Variants in DLGAP5 observed in about 807,000 individuals in gnomAD.
DLGAP5 encodes the protein DLG associated protein 5.
Under a neutral mutation model 99.6 loss-of-function variants are expected in DLGAP5, and 90 were observed. The observed-to-expected ratio is 0.90, with a 90% CI of 0.76 to 1.08. The LOEUF is 1.08. Ranked by LOEUF, DLGAP5 falls within the 50% of genes least tolerant of loss-of-function variation. The pLI is 0.00. For missense variants in DLGAP5, 1,036 were observed against 983.5 expected (o/e 1.05, Z -0.71); for synonymous variants, 311 against 321.3 (o/e 0.97, Z 0.34).
intron 10 of DLGAP5, among the ~76,000 whole-genome samples, chr14:55,172,571 C>A (rs1341122394): frequency 1.3e-5 from 2 of 151,794 alleles, no homozygotes; most frequent in African/African-American, 4.8e-5. Flanking sequence ...CTGCAGTGAG[C>A]CAAGAGCGAG....
At chr14:55,158,485 G>A (rs1177073542) in intron 14 of DLGAP5, 37 bp downstream of exon 14, 14 of 1,579,480 alleles carry the variant, frequency 8.9e-6, no homozygotes, top group Non-Finnish European at 1.1e-5. Context: ...GTAGTCTCAG[G>A]AAAAACAAAA....
chr14:55,188,242 T>C (rs1883491476), intron 2 of DLGAP5, among the ~76,000 whole-genome samples: 1 of 152,194 alleles, frequency 6.6e-6, no homozygotes, highest in Admixed American at 6.5e-5. Flanking sequence ...ACACAAGTCA[T>C]TTCTCAGTTT....
At position 55,152,670 on chromosome 14, in the gene DLGAP5, T is replaced by C. The variant is rs777464982; in HGVS notation, c.2064-23A>G. 6 of 1,576,192 alleles carry C rather than the reference T, an allele frequency of 3.8e-6. No individual in the cohort carries two copies. The East Asian group carries it at 1.1e-4, about 29-fold the overall frequency. On this transcript the variant is annotated intron_variant, in intron 15 of 18. Coordinates refer to ENST00000247191, the MANE Select transcript of DLGAP5 (RefSeq NM_014750.5). ...CTCCTAAAGAAGAAAAAAAGCAGCATTACACTCATAAACATATTGTTATTG... is the reference window on the plus strand; with the variant it reads ...CTCCTAAAGAAGAAAAAAAGCAGCACTACACTCATAAACATATTGTTATTG...
At chr14:55,170,578 A>T in intron 11 of DLGAP5, 124 bp downstream of exon 11, 1 of 809,688 alleles carries the variant, frequency 1.2e-6, no homozygotes, top group South Asian at 1.9e-5. Context: ...AAAAAGAAAA[A>T]ATTCTTGCTA....
At chr14:55,157,217 A>G (rs143279430) in intron 14 of DLGAP5, among the ~76,000 whole-genome samples, 142 of 152,322 alleles carry the variant, frequency 9.3e-4, no homozygotes, top group African/African-American at 3.0e-3. Context: ...TTTTTGCCAT[A>G]AACCTTAATC....
chr14:55,170,878 A>T, intron 10 of DLGAP5, 91 bp from the exon 11 acceptor site: 1 of 876,720 alleles, frequency 1.1e-6, no homozygotes, highest in Non-Finnish European at 1.8e-6. Context: ...AACATTAGGA[A>T]GTTATAAAAG....
In DLGAP5 at chr14:55,154,818, G is replaced by A. The variant is rs367727288; in HGVS notation, c.1874-12C>T. 5 of 1,610,924 alleles carry A rather than the reference G, an allele frequency of 3.1e-6. No individual in the cohort carries two copies. The African/African-American group carries it at 4.0e-5, about 13-fold the overall frequency. On this transcript the variant is annotated splice_polypyrimidine_tract_variant and intron_variant, in intron 14 of 18. Transcript: ENST00000247191. The stretch of plus-strand genomic sequence containing the variant: ...AGAGACAGAAAGTCCTAGAAGATGA[G>A]AGAAATCACCTCAATACCAAATAGT...
At chr14:55,159,653 C>T (rs569076076) in intron 13 of DLGAP5, among the ~76,000 whole-genome samples, 3 of 152,216 alleles carry the variant, frequency 2.0e-5, no homozygotes, top group South Asian at 4.1e-4. Context: ...TGTGGAGATG[C>T]TGTCAGTTTG....
At chr14:55,175,840 ATT>A in intron 9 of DLGAP5, 52 bp downstream of exon 9, 2 of 1,438,672 alleles carry the variant, frequency 1.4e-6, no homozygotes, top group Middle Eastern at 2.5e-4. Flanking sequence ...AAAGCAAAAT[ATT>A]TTTTGTATTA....
Position 55,186,130 on chromosome 14 carries a change from C to T in DLGAP5, c.239-2377G>A, listed in dbSNP as rs965751960. On this transcript the variant is annotated intron_variant, in intron 2 of 18. Coordinates refer to ENST00000247191, the MANE Select transcript of DLGAP5 (RefSeq NM_014750.5). The stretch of plus-strand genomic sequence containing the variant: ...TACTAAAAATACAAAATTAGCCAGG[C>T]GTGGTGGTGCATGCCTGTAATCCCA... Among the ~76,000 whole-genome samples, 16 of 151,982 alleles carry T rather than the reference C, an allele frequency of 1.1e-4. 1 individual carries two copies. In the South Asian group the frequency reaches 2.7e-3, roughly 26 times the overall value.
Position 55,182,418 on chromosome 14 carries a change from A to G in DLGAP5, c.447T>C (p.Ser149=), listed in dbSNP as rs747652548. The change falls in exon 4 of 19, where the codon TCT becomes TCC. Residue 149 remains serine, a synonymous_variant. Coordinates refer to ENST00000247191, the MANE Select transcript of DLGAP5 (RefSeq NM_014750.5). The part of the protein sequence containing the change: ...KAEPKKAIPS[S]VRITRSKAKD... ...TGGCCTTTGACCTTGTAATCCGTAC[A>G]GAAGATGGAATAGCCTTAGAACAGT... 1.9e-6 allele frequency: 3 copies of G among 1,612,712 alleles called. No homozygotes were observed. The highest frequency in any genetic ancestry group is 2.2e-5 in the South Asian group (2 of 91,004).
Position 55,187,510 on chromosome 14 carries a change from G to C in DLGAP5, c.238+1432C>G, listed in dbSNP as rs553975154. Among the ~76,000 whole-genome samples the C allele has an allele frequency of 3.3e-5, 5 of 151,918 alleles. No homozygotes were observed. In the South Asian group the frequency reaches 1.0e-3, roughly 32 times the overall value. On this transcript the variant is annotated intron_variant, in intron 2 of 18. Coordinates refer to ENST00000247191, the MANE Select transcript of DLGAP5 (RefSeq NM_014750.5). ...ATTTTTTTATTTTTAGTAGAGATGGGGTTTCACCATGTTGGTCAGGCTGGT... is the reference window on the plus strand; with the variant it reads ...ATTTTTTTATTTTTAGTAGAGATGGCGTTTCACCATGTTGGTCAGGCTGGT...
chr14:55,148,305 T>C lies in DLGAP5; in HGVS notation c.*46A>G. Reference sequence around the variant, plus strand: ...AAATTTCAATAGTCTAAGGAATATATAAGCATTGATAATATGAAGGAAAAT... The same window carrying C: ...AAATTTCAATAGTCTAAGGAATATACAAGCATTGATAATATGAAGGAAAAT... On this transcript the variant is annotated 3_prime_UTR_variant, in exon 19 of 19. Coordinates refer to ENST00000247191, the MANE Select transcript of DLGAP5 (RefSeq NM_014750.5). The C allele has an allele frequency of 1.3e-6, 2 of 1,588,362 alleles. No homozygotes were observed. The highest frequency in any genetic ancestry group is 1.1e-5 in the South Asian group (1 of 89,582).
intron 8 of DLGAP5, 149 bp from the exon 9 acceptor site, chr14:55,176,167 T>A: frequency 1.7e-6 from 1 of 591,100 alleles, no homozygotes; most frequent in South Asian, 3.2e-5. Context: ...GGAGAAAATG[T>A]AAACACCTAT....
chr14:55,154,095 A>G (rs539093728), intron 15 of DLGAP5, among the ~76,000 whole-genome samples: 2 of 152,146 alleles, frequency 1.3e-5, no homozygotes, highest in African/African-American at 2.4e-5. Flanking sequence ...TATCTAGCCC[A>G]TAACAGTTGT....
chr14:55,174,460 C>A (rs1011681807), intron 10 of DLGAP5, among the ~76,000 whole-genome samples: 4 of 152,154 alleles, frequency 2.6e-5, no homozygotes, highest in African/African-American at 4.8e-5. Context: ...GTGACCCACA[C>A]CTATTCGCAC....
At chr14:55,151,994 A>C in intron 16 of DLGAP5, 53 bp from the exon 17 acceptor site, 1 of 1,554,012 alleles carries the variant, frequency 6.4e-7, no homozygotes, top group Middle Eastern at 1.7e-4. Flanking sequence ...ACTTGGAACA[A>C]ATTTTAAAAG....
chr14:55,151,274 C>G (rs913580645), intron 17 of DLGAP5, among the ~76,000 whole-genome samples: 1 of 151,950 alleles, frequency 6.6e-6, no homozygotes, highest in Non-Finnish European at 1.5e-5. Context: ...ATAGGTAGAA[C>G]TAGGCAGTAG....
chr14:55,183,591 T>C lies in DLGAP5; in HGVS notation c.401A>G (p.Asn134Ser), dbSNP rs1883339376. Residue 134 changes from asparagine (N) to serine (S), a missense_variant, in exon 3 of 19, where the codon AAC becomes AGC. Asn to Ser is a conservative substitution (Grantham distance 46, BLOSUM62 1). Transcript: ENST00000247191. ...TGGCTCAGCTTTCACAGCATTCTGG[T>C]TTGATAAAAGAAAACAAGGCATATC... ...RPDMPCFLLS[N>S]QNAVKAEPKK... is the part of the protein sequence containing the mutation. 5 of 1,583,104 alleles carry C rather than the reference T, an allele frequency of 3.2e-6. No homozygotes were observed. Among genetic ancestry groups the C allele is most frequent in the African/African-American group, 1.4e-5 (1 of 72,692 alleles).
Sources: gnomAD v4.1 joint callset for allele counts (sites outside exome capture counted in the v4.1 genomes callset) on GRCh38, gnomAD v4.1.1 for gene constraint, MANE v1.5 for transcripts, NCBI Gene and HGNC (gene_info 2026-07-23, HGNC 2026-07-21) for gene names.